XKR6: variants seen among roughly 807,000 people sequenced by gnomAD.
The protein encoded by XKR6 is XK-related protein 6.
XKR6 carries 22 observed loss-of-function variants against 56.7 expected under a neutral mutation model. That is an observed-to-expected ratio of 0.39 (90% CI 0.28 to 0.55). The LOEUF is 0.55. XKR6 is among the 20% of genes least tolerant of loss of function. XKR6 has a pLI of 0.66. For missense variants in XKR6, 852 were observed against 889.0 expected (o/e 0.96, Z 0.53); for synonymous variants, 524 against 387.8 (o/e 1.35, Z -4.13).
chr8:10,942,432 G>A (rs1044567116), intron 1 of XKR6, among the ~76,000 whole-genome samples: 1 of 152,212 alleles, frequency 6.6e-6, no homozygotes, highest in African/African-American at 2.4e-5. Context: ...TGTGGGCGAG[G>A]TCTCTTGCCT....
At chr8:10,985,385 C>A (rs1170086834) in intron 1 of XKR6, among the ~76,000 whole-genome samples, 1 of 152,080 alleles carries the variant, frequency 6.6e-6, no homozygotes, top group African/African-American at 2.4e-5. Context: ...TCTTCCTGAA[C>A]TTCTTCTGCC....
chr8:10,898,390 G>A lies in XKR6; in HGVS notation c.1488C>T (p.Gly496=), dbSNP rs374983078. The A allele has an allele frequency of 2.5e-5, 40 of 1,613,986 alleles. No individual in the cohort carries two copies. Among genetic ancestry groups the A allele is most frequent in the Admixed American group, 1.0e-4 (6 of 60,018 alleles). ...AGIAMMLLYY[G]VLHPTGPRAK... ...CTCGTGGTCCTGTGGGATGCAGCAC[G>A]CCATAGTATAAGAGCATCATTGCGA... The change falls in exon 3 of 3, where the codon GGC becomes GGT. Residue 496 remains glycine, a synonymous_variant. Coordinates refer to ENST00000416569, the MANE Select transcript of XKR6 (RefSeq NM_173683.4). The surrounding 1 kb of genome is among the most constrained non-coding windows in gnomAD (Gnocchi z 6.6).
At chr8:11,104,183 T>C (rs567385953) in intron 1 of XKR6, among the ~76,000 whole-genome samples, 1 of 152,332 alleles carries the variant, frequency 6.6e-6, no homozygotes, top group South Asian at 2.1e-4. Context: ...AAGCTTTCCC[T>C]AATGAGCAAT....
chr8:10,953,972 A>C (rs1053289467), intron 1 of XKR6, among the ~76,000 whole-genome samples: 35 of 152,238 alleles, frequency 2.3e-4, no homozygotes, highest in Admixed American at 2.2e-3. Context: ...TTTCAGCCAC[A>C]GTGTAGCATG....
At chr8:10,955,208 T>G (rs1052253811) in intron 1 of XKR6, among the ~76,000 whole-genome samples, 1 of 152,054 alleles carries the variant, frequency 6.6e-6, no homozygotes, top group Non-Finnish European at 1.5e-5. Context: ...CTACTTGTGA[T>G]TATGGCAATG....
chr8:11,130,601 C>G (rs1431827042), intron 1 of XKR6, among the ~76,000 whole-genome samples: 1 of 151,644 alleles, frequency 6.6e-6, no homozygotes, highest in Non-Finnish European at 1.5e-5. Flanking sequence ...ACGGCCTTTT[C>G]TCCCTCGCCG....
At chr8:11,071,375 G>C (rs1478515786) in intron 1 of XKR6, among the ~76,000 whole-genome samples, 1 of 152,214 alleles carries the variant, frequency 6.6e-6, no homozygotes, top group Non-Finnish European at 1.5e-5. Flanking sequence ...AAGTAGCTAG[G>C]ATTACAGGCA....
At chr8:10,978,133 A>T (rs1425097420) in intron 1 of XKR6, among the ~76,000 whole-genome samples, 1 of 152,128 alleles carries the variant, frequency 6.6e-6, no homozygotes, top group Non-Finnish European at 1.5e-5. Flanking sequence ...GTGACACTCA[A>T]TGAGGGCCTA....
intron 1 of XKR6, among the ~76,000 whole-genome samples, chr8:11,091,149 G>A (rs1193246056): frequency 2.0e-5 from 3 of 152,242 alleles, no homozygotes; most frequent in East Asian, 3.9e-4. Flanking sequence ...GCAAGACAAA[G>A]GCCTGGAGTG....
intron 1 of XKR6, among the ~76,000 whole-genome samples, chr8:11,115,664 C>G (rs1010000149): frequency 6.6e-6 from 1 of 152,088 alleles, no homozygotes; most frequent in Non-Finnish European, 1.5e-5. Flanking sequence ...ATATATGCAC[C>G]TGATTCAAAT....
chr8:11,006,273 A>AC (rs1355314772), intron 1 of XKR6, among the ~76,000 whole-genome samples: 1 of 152,188 alleles, frequency 6.6e-6, no homozygotes, highest in Non-Finnish European at 1.5e-5. Flanking sequence ...TTAGTGGCCT[A>AC]GTAGGACACT....
At chr8:10,960,699 C>T (rs139944046) in intron 1 of XKR6, among the ~76,000 whole-genome samples, 2 of 152,292 alleles carry the variant, frequency 1.3e-5, no homozygotes, top group African/African-American at 4.8e-5. Flanking sequence ...AGAATCAGAA[C>T]CTTAGGTCTG....
chr8:11,065,772 C>T (rs1318743018), intron 1 of XKR6, among the ~76,000 whole-genome samples: 1 of 152,190 alleles, frequency 6.6e-6, no homozygotes, highest in Non-Finnish European at 1.5e-5. Context: ...CTGGAATATC[C>T]TCCGCTGAGC....
chr8:11,139,235 A>G (rs1277654745), intron 1 of XKR6, among the ~76,000 whole-genome samples: 3 of 152,224 alleles, frequency 2.0e-5, no homozygotes, highest in Non-Finnish European at 4.4e-5. Flanking sequence ...ACAAAACTAT[A>G]ATTTTCTCTA....
intron 1 of XKR6, among the ~76,000 whole-genome samples, chr8:11,084,651 T>C (rs1797827676): frequency 6.6e-6 from 1 of 152,180 alleles, no homozygotes; most frequent in Non-Finnish European, 1.5e-5. Flanking sequence ...CCAAGTCTGT[T>C]TGAGATAAGT....
chr8:11,032,635 T>C (rs1799019233), intron 1 of XKR6, among the ~76,000 whole-genome samples: 1 of 152,140 alleles, frequency 6.6e-6, no homozygotes, highest in Non-Finnish European at 1.5e-5. Context: ...GCAAGACTGT[T>C]TGCCCTCCCC....
intron 1 of XKR6, chr8:11,035,176 C>T (rs771385004): frequency 1.9e-6 from 1 of 534,664 alleles, no homozygotes; most frequent in Non-Finnish European, 3.8e-6. Flanking sequence ...CGTGCCCAGC[C>T]CAGCGTGGGT....
At chr8:11,086,989 C>T (rs1340661224) in intron 1 of XKR6, among the ~76,000 whole-genome samples, 1 of 152,162 alleles carries the variant, frequency 6.6e-6, no homozygotes, top group African/African-American at 2.4e-5. Flanking sequence ...TGAGATGGGC[C>T]CCATGAAACT....
At chr8:11,085,414 G>C (rs561736555) in intron 1 of XKR6, among the ~76,000 whole-genome samples, 2 of 152,270 alleles carry the variant, frequency 1.3e-5, no homozygotes, top group East Asian at 3.9e-4. Flanking sequence ...AGAGTGCCAA[G>C]TGTATGCTTG....
Sources: gnomAD v4.1 joint callset for allele counts (sites outside exome capture counted in the v4.1 genomes callset) on GRCh38, gnomAD v4.1.1 for gene constraint, Gnocchi (gnomAD v3.1) non-coding constraint, MANE v1.5 for transcripts, NCBI Gene and HGNC (gene_info 2026-07-23, HGNC 2026-07-21) for gene names.